Variants in PRKN observed in about 807,000 individuals in gnomAD.
The protein encoded by PRKN is parkin RBR E3 ubiquitin protein ligase.
Under a neutral mutation model 59.5 loss-of-function variants are expected in PRKN, and 56 were observed. That is an observed-to-expected ratio of 0.94 (90% CI 0.76 to 1.18). The LOEUF is 1.18. PRKN is among the 50% of genes most tolerant of loss of function. PRKN has a pLI of 0.00. For synonymous variants in PRKN, 250 were observed against 222.1 expected (o/e 1.13, Z -1.12); for missense variants, 657 against 596.4 (o/e 1.10, Z -1.06).
In PRKN at chr6:161,556,737, T is replaced by C. The variant is rs535195174; in HGVS notation, c.934-7734A>G. On this transcript the variant is annotated intron_variant, in intron 8 of 11. Transcript: ENST00000366898. ...GGCTTTTTTACTTATCAATATTGAA[T>C]AGCATTTTATAAACAGACTAACTTG... 1.2e-4 allele frequency among the ~76,000 whole-genome samples: 19 copies of C among 152,338 alleles called. No individual in the cohort carries two copies. In the South Asian group the frequency reaches 3.9e-3, roughly 32 times the overall value.
chr6:162,302,519 C>T (rs1202805831), intron 2 of PRKN, among the ~76,000 whole-genome samples: 3 of 152,054 alleles, frequency 2.0e-5, no homozygotes, highest in Non-Finnish European at 2.9e-5. Flanking sequence ...GCACGGAATG[C>T]AGGCAGGTGA....
At chr6:161,958,976 C>A (rs1379701607) in intron 6 of PRKN, among the ~76,000 whole-genome samples, 1 of 151,652 alleles carries the variant, frequency 6.6e-6, no homozygotes, top group African/African-American at 2.4e-5. Flanking sequence ...TTTTTGCTTT[C>A]AAAACATGTA....
At chr6:162,636,157 C>T (rs889171808) in intron 1 of PRKN, among the ~76,000 whole-genome samples, 2 of 87,268 alleles carry the variant, frequency 2.3e-5, no homozygotes, top group East Asian at 5.1e-4. Flanking sequence ...TATAATTTGC[C>T]CACAAAAAAG....
chr6:162,235,950 GAAGAAAGGAAGA>G (rs1395504596), intron 3 of PRKN, among the ~76,000 whole-genome samples: 2 of 102,330 alleles, frequency 2.0e-5, no homozygotes, highest in Admixed American at 9.8e-5. Flanking sequence ...AGGAAGGAAG[GAAGAAAGGAAGA>G]AAGAAAGAAA....
In PRKN at chr6:161,629,258, A is replaced by G. The variant is rs142015431; in HGVS notation, c.872-59842T>C. The stretch of plus-strand genomic sequence containing the variant: ...AAAAATGACTCCTGTAGACATGAAC[A>G]GGGTGATGTGGATCCAGGAGAAGTT... On this transcript the variant is annotated intron_variant, in intron 7 of 11. Coordinates refer to ENST00000366898, the MANE Select transcript of PRKN (RefSeq NM_004562.3). Among the ~76,000 whole-genome samples the G allele has an allele frequency of 2.7e-3, 407 of 152,282 alleles. 1 individual carries two copies. The highest frequency in any genetic ancestry group is 9.0e-3 in the African/African-American group (376 of 41,570).
At chr6:162,209,237 AC>A (rs1191269504) in intron 3 of PRKN, among the ~76,000 whole-genome samples, 1 of 152,164 alleles carries the variant, frequency 6.6e-6, no homozygotes, top group Non-Finnish European at 1.5e-5. Flanking sequence ...AAGAACTCAA[AC>A]AAATTTACAT....
chr6:161,394,247 C>T (rs9355895), intron 9 of PRKN, among the ~76,000 whole-genome samples: 9,337 of 152,246 alleles, frequency 0.061, 409 homozygotes, highest in South Asian at 0.19. Context: ...CAATCTTAAA[C>T]TGTGCTAAGC....
At position 161,458,356 on chromosome 6, in the gene PRKN, T is replaced by C. The variant is rs1262613877; in HGVS notation, c.1084-71479A>G. The stretch of plus-strand genomic sequence containing the variant: ...AAGCACTTTCATCCAGCATCTCGGG[T>C]GCCTGGTGTGATCGACCATAAGTGC... On this transcript the variant is annotated intron_variant, in intron 9 of 11. Transcript: ENST00000366898. The surrounding 1 kb of genome is among the most constrained non-coding windows in gnomAD (Gnocchi z 6.1). 6.6e-6 allele frequency among the ~76,000 whole-genome samples: 1 copy of C among 152,140 alleles called. No homozygotes were observed. Among genetic ancestry groups the C allele is most frequent in the East Asian group, 1.9e-4 (1 of 5,180 alleles).
At chr6:162,245,912 T>A (rs1779174462) in intron 3 of PRKN, among the ~76,000 whole-genome samples, 1 of 152,154 alleles carries the variant, frequency 6.6e-6, no homozygotes, top group Non-Finnish European at 1.5e-5. Flanking sequence ...TATCTCTTGG[T>A]GACCTCAGAT....
chr6:161,611,478 C>A (rs924350699), intron 7 of PRKN, among the ~76,000 whole-genome samples: 1 of 152,190 alleles, frequency 6.6e-6, no homozygotes, highest in African/African-American at 2.4e-5. Context: ...CTATTTCAAA[C>A]TTTTTTGTCA....
intron 2 of PRKN, 54 bp downstream of exon 2, chr6:162,443,256 G>T (rs1274090224): frequency 3.2e-6 from 5 of 1,578,430 alleles, no homozygotes; most frequent in Non-Finnish European, 4.3e-6. Flanking sequence ...AGCGCAGGCG[G>T]CATGAGCAAT....
intron 1 of PRKN, among the ~76,000 whole-genome samples, chr6:162,506,519 T>C (rs891272789): frequency 2.6e-5 from 4 of 152,186 alleles, no homozygotes; most frequent in Non-Finnish European, 4.4e-5. Flanking sequence ...AAATGTGCGA[T>C]ATGGAATTGG....
intron 7 of PRKN, among the ~76,000 whole-genome samples, chr6:161,647,329 T>G (rs372305791): frequency 5.9e-5 from 9 of 152,330 alleles, no homozygotes; most frequent in South Asian, 4.1e-4. Context: ...AAAAACTGGT[T>G]AATAGCATCT....
chr6:161,692,235 AC>A (rs1339310683), intron 7 of PRKN, among the ~76,000 whole-genome samples: 1 of 152,176 alleles, frequency 6.6e-6, no homozygotes, highest in Non-Finnish European at 1.5e-5. Flanking sequence ...GGAAATAATA[AC>A]CAGAATAACT....
chr6:162,288,140 T>C (rs1056718006), intron 2 of PRKN, among the ~76,000 whole-genome samples: 8 of 152,206 alleles, frequency 5.3e-5, no homozygotes, highest in African/African-American at 1.9e-4. Context: ...TTTCCCTCCC[T>C]GCCTGGAAGT....
At chr6:161,976,743 A>AAACATAAAGTAATTCCTCCAAAAC (rs1265322488) in intron 5 of PRKN, among the ~76,000 whole-genome samples, 1 of 152,230 alleles carries the variant, frequency 6.6e-6, no homozygotes, top group African/African-American at 2.4e-5. Context: ...TCCTCTTTCA[A>AAACATAAAGTAATTCCTCCAAAAC]AACATAAAGT....
At chr6:162,267,171 C>T (rs1446314290) in intron 2 of PRKN, 1 of 152,174 alleles carries the variant, frequency 6.6e-6, no homozygotes, top group Admixed American at 6.5e-5. Context: ...AAACAGATTT[C>T]AGTAGTTACA....
chr6:161,908,173 T>C (rs1186746695), intron 6 of PRKN, among the ~76,000 whole-genome samples: 3 of 152,158 alleles, frequency 2.0e-5, no homozygotes, highest in East Asian at 1.9e-4. Context: ...GTGAAATAAA[T>C]GTGAACAGCA....
In PRKN at chr6:161,458,655, T is replaced by A. The variant is rs1790077650; in HGVS notation, c.1084-71778A>T. On this transcript the variant is annotated intron_variant, in intron 9 of 11. Coordinates refer to ENST00000366898, the MANE Select transcript of PRKN (RefSeq NM_004562.3). This position sits in a 1 kb window ranked among gnomAD's most constrained non-coding sequence, Gnocchi z 6.1. ...CAGCCATTAAGCTCAAAGTTTGTGT[T>A]TAAAATATATGTTTGTTTTCTTCTA... is the stretch of plus-strand genomic sequence containing the variant. Among the ~76,000 whole-genome samples the A allele has an allele frequency of 6.6e-6, 1 of 152,214 alleles. No individual in the cohort carries two copies. The highest frequency in any genetic ancestry group is 1.5e-5 in the Non-Finnish European group (1 of 68,044).
Sources: allele counts gnomAD v4.1 joint callset (sites outside exome capture counted in the v4.1 genomes callset), GRCh38; gene constraint gnomAD v4.1.1; non-coding constraint Gnocchi (gnomAD v3.1); transcripts MANE v1.5; gene names NCBI Gene and HGNC (gene_info 2026-07-23, HGNC 2026-07-21).